The following ARHGEF10L variants were observed in gnomAD, a reference collection of about 807,000 sequenced individuals.
ARHGEF10L encodes rho guanine nucleotide exchange factor 10-like protein.
A neutral mutation model predicts 141.2 loss-of-function variants in ARHGEF10L; 69 were observed. The observed-to-expected ratio is 0.49, with a 90% CI of 0.40 to 0.60. ARHGEF10L has a LOEUF of 0.60. ARHGEF10L is among the 20% of genes least tolerant of loss of function. The probability of loss-of-function intolerance (pLI) is 0.00; values close to 1 mark genes in which losing one functional copy is unlikely to be tolerated. For missense variants in ARHGEF10L, 1,482 were observed against 1,734.3 expected, an observed-to-expected ratio of 0.85 and a Z score of 2.58; for synonymous variants, 711 against 718.5, an observed-to-expected ratio of 0.99 and a Z score of 0.17.
the ARHGEF10L span, among the ~76,000 whole-genome samples, chr1:17,519,116 G>A: frequency 2.6e-5 from 4 of 151,494 alleles, no homozygotes; most frequent in East Asian, 1.9e-4. Context: ...CGGAGGTTGC[G>A]GTGAGCCGAG....
At chr1:17,550,020 G>C (rs1319829308) in intron 1 of ARHGEF10L, among the ~76,000 whole-genome samples, 1 of 152,194 alleles carries the variant, frequency 6.6e-6, no homozygotes, top group Admixed American at 6.5e-5. Flanking sequence ...TCTGCTGGGA[G>C]GAGAACTGGC....
intron 1 of ARHGEF10L, among the ~76,000 whole-genome samples, chr1:17,564,855 G>A (rs1207410276): frequency 6.6e-6 from 1 of 152,162 alleles, no homozygotes; most frequent in East Asian, 1.9e-4. Flanking sequence ...GCAACCCAAG[G>A]AGCCACTGCA....
At chr1:17,584,684 G>A (rs2078874667) in intron 2 of ARHGEF10L, among the ~76,000 whole-genome samples, 2 of 152,208 alleles carry the variant, frequency 1.3e-5, no homozygotes, top group African/African-American at 2.4e-5. Flanking sequence ...AGAGGGGAGA[G>A]CAGGAGAAGA....
intron 1 of ARHGEF10L, among the ~76,000 whole-genome samples, chr1:17,553,072 G>A (rs936555790): frequency 6.6e-6 from 1 of 152,194 alleles, no homozygotes; most frequent in African/African-American, 2.4e-5. Context: ...TCAGCCCCTG[G>A]CTCATCATCT....
At chr1:17,626,832 G>A (rs1571047502) in intron 14 of ARHGEF10L, among the ~76,000 whole-genome samples, 1 of 152,198 alleles carries the variant, frequency 6.6e-6, no homozygotes. Context: ...GACTGCTCTA[G>A]GAAAACACGT....
In ARHGEF10L at chr1:17,607,439, C is replaced by T. The variant is rs558714655; in HGVS notation, c.434-363C>T. Among the ~76,000 whole-genome samples, 1 of 152,258 alleles carries T rather than the reference C, an allele frequency of 6.6e-6. No homozygotes were observed. Among genetic ancestry groups the T allele is most frequent in the Admixed American group, 6.5e-5 (1 of 15,290 alleles). On this transcript the variant is annotated intron_variant, in intron 6 of 28. Transcript: ENST00000361221. This position sits in a 1 kb window ranked among gnomAD's most constrained non-coding sequence, Gnocchi z 4.5. ...ACAGTGAGCTATGATTGTACCACTG[C>T]ACTCCAGCCTGGGCGAGACAATGAG...
chr1:17,596,230 T>C (rs2080087399), intron 4 of ARHGEF10L, among the ~76,000 whole-genome samples: 1 of 152,234 alleles, frequency 6.6e-6, no homozygotes, highest in Non-Finnish European at 1.5e-5. Flanking sequence ...GTCCTCAGCT[T>C]TGACATGCTG....
chr1:17,597,536 T>A (rs2080234420), intron 4 of ARHGEF10L, among the ~76,000 whole-genome samples: 1 of 152,124 alleles, frequency 6.6e-6, no homozygotes, highest in South Asian at 2.1e-4. Context: ...TCCCCCAACT[T>A]TATTCCTCTT....
At chr1:17,537,490 TGG>T (rs1002790175), upstream of ARHGEF10L, among the ~76,000 whole-genome samples, 6 of 152,074 alleles carry the variant, frequency 3.9e-5, no homozygotes, top group Non-Finnish European at 7.4e-5. Flanking sequence ...TCAAGCTAGA[TGG>T]GTCAAATCAG....
chr1:17,663,889 T>A (rs1477576289), intron 25 of ARHGEF10L, among the ~76,000 whole-genome samples: 1 of 152,154 alleles, frequency 6.6e-6, no homozygotes, highest in African/African-American at 2.4e-5. Context: ...TTCCACCATA[T>A]CATGCTGCCT....
chr1:17,624,158 C>T (rs970317855), intron 12 of ARHGEF10L, among the ~76,000 whole-genome samples: 5 of 152,206 alleles, frequency 3.3e-5, no homozygotes, highest in African/African-American at 1.2e-4. Flanking sequence ...GGCACCACCC[C>T]ATCCCACCTG....
At chr1:17,565,021 G>A (rs1321582185) in intron 1 of ARHGEF10L, among the ~76,000 whole-genome samples, 2 of 152,154 alleles carry the variant, frequency 1.3e-5, no homozygotes, top group African/African-American at 2.4e-5. Flanking sequence ...ACGAAATGCC[G>A]TGACTCTTAC....
At chr1:17,696,137 C>T (rs952997670) in intron 28 of ARHGEF10L, among the ~76,000 whole-genome samples, 1 of 147,646 alleles carries the variant, frequency 6.8e-6, no homozygotes, top group African/African-American at 2.5e-5. Context: ...TTCTTGAACC[C>T]GGGAGGTGGA....
intron 26 of ARHGEF10L, among the ~76,000 whole-genome samples, chr1:17,680,650 C>G (rs146365197): frequency 3.9e-5 from 6 of 152,216 alleles, no homozygotes; most frequent in African/African-American, 1.4e-4. Context: ...CTTTTTGTCC[C>G]CGTGTACAGA....
At chr1:17,632,198 C>A in intron 15 of ARHGEF10L, 123 bp from the exon 16 acceptor site, 1 of 1,267,206 alleles carries the variant, frequency 7.9e-7, no homozygotes, top group Non-Finnish European at 1.1e-6. Flanking sequence ...GGAGTGGCTT[C>A]ATCTCCTCCA....
chr1:17,695,655 G>A (rs1182597997), intron 28 of ARHGEF10L, among the ~76,000 whole-genome samples: 1 of 152,196 alleles, frequency 6.6e-6, no homozygotes, highest in Admixed American at 6.5e-5. Context: ...CCTGCTCGTG[G>A]GGTCCATGTG....
At chr1:17,624,715 G>A (rs2060287783) in intron 13 of ARHGEF10L, among the ~76,000 whole-genome samples, 1 of 152,170 alleles carries the variant, frequency 6.6e-6, no homozygotes, top group Non-Finnish European at 1.5e-5. Flanking sequence ...TAAGCAACTG[G>A]GATCCTGGAG....
At chr1:17,540,791 C>A (rs2076697426) in intron 1 of ARHGEF10L, among the ~76,000 whole-genome samples, 1 of 152,178 alleles carries the variant, frequency 6.6e-6, no homozygotes, top group South Asian at 2.1e-4. Context: ...GCCCCAGAGT[C>A]CTTGGCCTCC....
chr1:17,681,953 C>T (rs890600977), intron 26 of ARHGEF10L, among the ~76,000 whole-genome samples: 1 of 151,978 alleles, frequency 6.6e-6, no homozygotes. Flanking sequence ...CCCCACTCCA[C>T]ACCCTGCCCT....
Sources: gnomAD v4.1 joint callset for allele counts (sites outside exome capture counted in the v4.1 genomes callset) on GRCh38, gnomAD v4.1.1 for gene constraint, Gnocchi (gnomAD v3.1) non-coding constraint, MANE v1.5 for transcripts, NCBI Gene and HGNC (gene_info 2026-07-23, HGNC 2026-07-21) for gene names.